The following GNA14 variants were observed in gnomAD, a reference collection of about 807,000 sequenced individuals.
GNA14 encodes the protein guanine nucleotide-binding protein subunit alpha-14.
A neutral mutation model predicts 42.0 loss-of-function variants in GNA14; 50 were observed. That is an observed-to-expected ratio of 1.19 (90% CI 0.95 to 1.51). The LOEUF (loss-of-function observed/expected upper bound fraction) is 1.51, where lower values mean the gene tolerates loss of function less well. Ranked by LOEUF, GNA14 falls within the 40% of genes most tolerant of loss-of-function variation. The pLI, the probability that GNA14 is intolerant of heterozygous loss-of-function variation, is 0.00. For missense variants in GNA14, 473 were observed against 446.2 expected (o/e 1.06, Z -0.54); for synonymous variants, 173 against 163.1 (o/e 1.06, Z -0.46).
chr9:77,468,600 G>C (rs1186430129), intron 2 of GNA14, among the ~76,000 whole-genome samples: 1 of 152,164 alleles, frequency 6.6e-6, no homozygotes, highest in African/African-American at 2.4e-5. Flanking sequence ...ATCTTCCCCT[G>C]TGCTTCTTGA....
chr9:77,523,798 T>C (rs763368132), intron 2 of GNA14, among the ~76,000 whole-genome samples: 2 of 152,142 alleles, frequency 1.3e-5, no homozygotes, highest in Non-Finnish European at 2.9e-5. Flanking sequence ...GGAACTAACG[T>C]GTTTTTGAGA....
intron 1 of GNA14, among the ~76,000 whole-genome samples, chr9:77,625,332 T>C (rs1823996619): frequency 6.6e-6 from 1 of 152,014 alleles, no homozygotes; most frequent in Non-Finnish European, 1.5e-5. Flanking sequence ...CTTCAGGATA[T>C]TATCCAGGAG....
At chr9:77,640,470 T>C (rs890868299) in intron 1 of GNA14, among the ~76,000 whole-genome samples, 13 of 152,200 alleles carry the variant, frequency 8.5e-5, no homozygotes, top group Admixed American at 2.6e-4. Flanking sequence ...AAGCAAAAGA[T>C]GACAGACTAG....
intron 1 of GNA14, among the ~76,000 whole-genome samples, chr9:77,622,790 A>T (rs979839347): frequency 1.5e-4 from 22 of 149,464 alleles, no homozygotes; most frequent in Non-Finnish European, 3.0e-4. Flanking sequence ...AATGCTTGGG[A>T]GGCTGAGGCA....
At position 77,611,672 on chromosome 9, in the gene GNA14, T is replaced by A. The variant is rs997311193; in HGVS notation, c.124+35998A>T. ...TGTATTGTCCCCTTTCCAGCCTTTT[T>A]CTTACACGTATGATCATCAGAGAAA... On this transcript the variant is annotated intron_variant, in intron 1 of 6. Coordinates refer to ENST00000341700, the MANE Select transcript of GNA14 (RefSeq NM_004297.4). Among the ~76,000 whole-genome samples, 28 of 152,312 alleles carry A rather than the reference T, an allele frequency of 1.8e-4. 1 individual carries two copies. Among genetic ancestry groups the A allele is most frequent in the African/African-American group, 6.7e-4 (28 of 41,552 alleles).
chr9:77,518,889 T>C (rs747552992), intron 2 of GNA14, among the ~76,000 whole-genome samples: 2 of 152,212 alleles, frequency 1.3e-5, no homozygotes, highest in African/African-American at 2.4e-5. Context: ...TTGATTTAGA[T>C]AAAATACGCA....
intron 2 of GNA14, among the ~76,000 whole-genome samples, chr9:77,522,114 G>A (rs1036281806): frequency 6.6e-6 from 1 of 152,232 alleles, no homozygotes; most frequent in Non-Finnish European, 1.5e-5. Flanking sequence ...TGGGATTACA[G>A]GCATGGCCCA....
At chr9:77,510,103 A>G (rs1372497775) in intron 2 of GNA14, among the ~76,000 whole-genome samples, 1 of 152,186 alleles carries the variant, frequency 6.6e-6, no homozygotes, top group Non-Finnish European at 1.5e-5. Context: ...CCATATATCC[A>G]TTAGCAGTCA....
intron 1 of GNA14, among the ~76,000 whole-genome samples, chr9:77,541,895 T>A (rs1180074254): frequency 1.3e-5 from 2 of 152,174 alleles, no homozygotes; most frequent in East Asian, 3.9e-4. Flanking sequence ...GTTTTATTCT[T>A]TTTAAAAGTA....
chr9:77,480,184 G>C (rs1275450078), intron 2 of GNA14, among the ~76,000 whole-genome samples: 1 of 152,086 alleles, frequency 6.6e-6, no homozygotes, highest in African/African-American at 2.4e-5. Context: ...ATTGGCTGTG[G>C]GTTTGTCATA....
rs1288696489 is a variant in GNA14, at chr9:77,478,125, CATT to C, written c.310-43606_310-43604del. Among the ~76,000 whole-genome samples, 3 of 151,638 alleles carry C rather than the reference CATT, an allele frequency of 2.0e-5. No homozygotes were observed. In the South Asian group the frequency reaches 6.3e-4, roughly 32 times the overall value. ...ATGTGCCATGTTGGTGTGCTGCACCCATTAACTCGTCATTTAGCATTAGGTATA... is the reference window on the plus strand; with the variant it reads ...ATGTGCCATGTTGGTGTGCTGCACCCAACTCGTCATTTAGCATTAGGTATA... On this transcript the variant is annotated intron_variant, in intron 2 of 6. Transcript: ENST00000341700.
At chr9:77,457,375 T>G (rs1836020447) in intron 2 of GNA14, among the ~76,000 whole-genome samples, 1 of 152,232 alleles carries the variant, frequency 6.6e-6, no homozygotes, top group Non-Finnish European at 1.5e-5. Flanking sequence ...TAGTAGTTCT[T>G]TGAAGTACAT....
intron 2 of GNA14, among the ~76,000 whole-genome samples, chr9:77,455,829 T>G (rs1364910817): frequency 6.6e-6 from 1 of 152,200 alleles, no homozygotes; most frequent in African/African-American, 2.4e-5. Context: ...AATATGTGGC[T>G]AAGTCTAAGT....
At chr9:77,620,377 A>G (rs1823900739) in intron 1 of GNA14, among the ~76,000 whole-genome samples, 1 of 152,218 alleles carries the variant, frequency 6.6e-6, no homozygotes, top group Non-Finnish European at 1.5e-5. Context: ...GGTGATTGAA[A>G]GTTTAAAAGT....
chr9:77,546,646 G>C (rs1837723527), intron 1 of GNA14, among the ~76,000 whole-genome samples: 1 of 152,184 alleles, frequency 6.6e-6, no homozygotes, highest in African/African-American at 2.4e-5. Context: ...AACTCTCCAT[G>C]ACTAAGACCA....
chr9:77,630,281 C>T (rs1824077111), intron 1 of GNA14, among the ~76,000 whole-genome samples: 1 of 151,988 alleles, frequency 6.6e-6, no homozygotes, highest in Non-Finnish European at 1.5e-5. Context: ...CCATGCCCAG[C>T]TAATTTTTAC....
At chr9:77,624,167 A>G (rs529515567) in intron 1 of GNA14, among the ~76,000 whole-genome samples, 1 of 152,114 alleles carries the variant, frequency 6.6e-6, no homozygotes, top group Non-Finnish European at 1.5e-5. Context: ...GTTCCAACAG[A>G]GCAGATCCCC....
intron 1 of GNA14, among the ~76,000 whole-genome samples, chr9:77,535,187 C>T (rs1837578794): frequency 6.6e-6 from 1 of 152,204 alleles, no homozygotes; most frequent in Non-Finnish European, 1.5e-5. Context: ...GCAGTAGCTA[C>T]CCATGCAGCA....
intron 2 of GNA14, among the ~76,000 whole-genome samples, chr9:77,467,442 T>C (rs924725040): frequency 1.3e-5 from 2 of 151,448 alleles, no homozygotes; most frequent in African/African-American, 4.9e-5. Context: ...TCTGGAGCCC[T>C]TGGGGTGAAC....
Sources: gnomAD v4.1 joint callset for allele counts (sites outside exome capture counted in the v4.1 genomes callset) on GRCh38, gnomAD v4.1.1 for gene constraint, MANE v1.5 for transcripts, NCBI Gene and HGNC (gene_info 2026-07-23, HGNC 2026-07-21) for gene names.